Variants in ZDHHC17 observed in about 807,000 individuals in gnomAD.
ZDHHC17 encodes zDHHC palmitoyltransferase 17.
Under a neutral mutation model 90.3 loss-of-function variants are expected in ZDHHC17, and 40 were observed. The ratio of observed to expected loss-of-function variants is 0.44; its 90% CI spans 0.34 to 0.58. The LOEUF (loss-of-function observed/expected upper bound fraction) is 0.58, where lower values mean the gene tolerates loss of function less well. Among genes scored for constraint, ZDHHC17 ranks in the 20% least tolerant of loss-of-function variants. The pLI is 0.01. For synonymous variants in ZDHHC17, 235 were observed against 252.4 expected (o/e 0.93, Z 0.65); for missense variants, 614 against 780.8 (o/e 0.79, Z 2.55).
chr12:76,787,107 T>A (rs1034927575), intron 1 of ZDHHC17, among the ~76,000 whole-genome samples: 44 of 152,348 alleles, frequency 2.9e-4, no homozygotes, highest in African/African-American at 9.4e-4. Flanking sequence ...TCCTTGAAAT[T>A]TTCCAGAGTC....
chr12:76,789,446 G>T lies in ZDHHC17; in HGVS notation c.94-7988G>T, dbSNP rs544485288. Among the ~76,000 whole-genome samples the T allele has an allele frequency of 1.7e-3, 257 of 152,298 alleles. 1 individual carries two copies. The highest frequency in any genetic ancestry group is 3.1e-3 in the Non-Finnish European group (212 of 68,018). On this transcript the variant is annotated intron_variant, in intron 1 of 16. Transcript: ENST00000426126. Reference sequence around the variant, plus strand: ...CACAATCTCAGTTCAGTTAGGACATGTAAGAATAACCTAAAAATGTTCAGC... The same window carrying T: ...CACAATCTCAGTTCAGTTAGGACATTTAAGAATAACCTAAAAATGTTCAGC...
At chr12:76,847,618 C>T (rs1259271049) in intron 14 of ZDHHC17, among the ~76,000 whole-genome samples, 1 of 152,190 alleles carries the variant, frequency 6.6e-6, no homozygotes, top group Non-Finnish European at 1.5e-5. Context: ...CTTTGGGAGG[C>T]AGAGGCAGGT....
At chr12:76,800,402 G>A (rs1408683601) in intron 2 of ZDHHC17, among the ~76,000 whole-genome samples, 2 of 152,092 alleles carry the variant, frequency 1.3e-5, no homozygotes, top group East Asian at 1.9e-4. Flanking sequence ...CCTTACTTAC[G>A]TCTAGTTCTT....
At chr12:76,771,245 A>G (rs1952488719) in intron 1 of ZDHHC17, among the ~76,000 whole-genome samples, 1 of 152,248 alleles carries the variant, frequency 6.6e-6, no homozygotes, top group Non-Finnish European at 1.5e-5. Flanking sequence ...AAGTGGAGCC[A>G]CAGGCAGCTA....
At chr12:76,799,846 TG>T (rs1359185015) in intron 2 of ZDHHC17, among the ~76,000 whole-genome samples, 2 of 152,120 alleles carry the variant, frequency 1.3e-5, no homozygotes, top group Admixed American at 1.3e-4. Context: ...GGACCAGAAG[TG>T]TTTTGGATTT....
At chr12:76,824,875 T>A (rs1953211553) in intron 8 of ZDHHC17, among the ~76,000 whole-genome samples, 1 of 151,068 alleles carries the variant, frequency 6.6e-6, no homozygotes, top group Non-Finnish European at 1.5e-5. Flanking sequence ...ACAATATTTT[T>A]AGAAAACAAT....
chr12:76,810,709 G>C (rs202146802), intron 5 of ZDHHC17, among the ~76,000 whole-genome samples: 2 of 25,102 alleles, frequency 8.0e-5, no homozygotes, highest in African/African-American at 2.7e-4. Context: ...TGGAAGGGGA[G>C]GGGGGGTTAT....
chr12:76,771,442 A>G (rs1226490399), intron 1 of ZDHHC17, among the ~76,000 whole-genome samples: 1 of 152,230 alleles, frequency 6.6e-6, no homozygotes, highest in Non-Finnish European at 1.5e-5. Flanking sequence ...AAATTAGAAC[A>G]TTATAGTGTC....
At chr12:76,766,313 C>T (rs1047306810) in intron 1 of ZDHHC17, among the ~76,000 whole-genome samples, 2 of 152,208 alleles carry the variant, frequency 1.3e-5, no homozygotes, top group Non-Finnish European at 2.9e-5. Context: ...TAAGCTTGTA[C>T]TACATGGCTG....
At chr12:76,811,912 A>G (rs12368568) in intron 5 of ZDHHC17, among the ~76,000 whole-genome samples, 1,678 of 152,280 alleles carry the variant, frequency 0.011, 11 homozygotes, top group Non-Finnish European at 0.017. Flanking sequence ...TTGCTTTCCA[A>G]TATAGTTCGT....
At chr12:76,837,629 T>G (rs1445199834) in intron 10 of ZDHHC17, among the ~76,000 whole-genome samples, 3 of 152,174 alleles carry the variant, frequency 2.0e-5, no homozygotes, top group African/African-American at 7.2e-5. Context: ...GATGCAGTAT[T>G]TAAAATGGAG....
intron 10 of ZDHHC17, among the ~76,000 whole-genome samples, chr12:76,832,651 A>G (rs966481955): frequency 2.0e-5 from 3 of 152,222 alleles, no homozygotes; most frequent in African/African-American, 7.2e-5. Flanking sequence ...TCATTCCTGA[A>G]TGAAGCTTAT....
intron 3 of ZDHHC17, 103 bp downstream of exon 3, chr12:76,805,542 G>A: frequency 9.6e-7 from 1 of 1,040,514 alleles, no homozygotes; most frequent in Non-Finnish European, 1.4e-6. Flanking sequence ...AAAATTCATG[G>A]CTTTTAGAAG....
rs376593203 is a variant in ZDHHC17 at position 76,786,708 on chromosome 12, A to T, written c.94-10726A>T. The stretch of plus-strand genomic sequence containing the variant: ...CCAGCTGAATTTTTCTAGCTTGGAC[A>T]TTTTGATAGTTAGAAATGCCTTCTA... On this transcript the variant is annotated intron_variant, in intron 1 of 16. Transcript: ENST00000426126. Among the ~76,000 whole-genome samples, 18 of 152,310 alleles carry T rather than the reference A, an allele frequency of 1.2e-4. No homozygotes were observed. The East Asian group carries it at 2.1e-3, about 18-fold the overall frequency.
chr12:76,773,029 T>C (rs1206437762), intron 1 of ZDHHC17, among the ~76,000 whole-genome samples: 1 of 152,276 alleles, frequency 6.6e-6, no homozygotes, highest in East Asian at 1.9e-4. Context: ...GCTCATTTTT[T>C]GTATTTTTAG....
intron 1 of ZDHHC17, among the ~76,000 whole-genome samples, chr12:76,796,356 T>C (rs976481389): frequency 6.6e-6 from 1 of 152,140 alleles, no homozygotes; most frequent in Non-Finnish European, 1.5e-5. Flanking sequence ...TTTTCAGTTT[T>C]TATATAAAAG....
chr12:76,815,232 C>T, intron 6 of ZDHHC17, 22 bp downstream of exon 6: 1 of 1,497,954 alleles, frequency 6.7e-7, no homozygotes, highest in South Asian at 1.3e-5. Context: ...CTATAAAAAA[C>T]TTATTTAGGC....
intron 1 of ZDHHC17, among the ~76,000 whole-genome samples, chr12:76,768,184 A>G (rs77565593): frequency 6.6e-6 from 1 of 152,206 alleles, no homozygotes; most frequent in Non-Finnish European, 1.5e-5. Flanking sequence ...TTCTTTTGAA[A>G]TAGGTGATTA....
intron 1 of ZDHHC17, among the ~76,000 whole-genome samples, chr12:76,780,912 G>A (rs767676580): frequency 1.3e-5 from 2 of 151,844 alleles, no homozygotes; most frequent in Non-Finnish European, 2.9e-5. Flanking sequence ...ACGAGGTCAG[G>A]AGATCGAGAC....
Sources: allele counts gnomAD v4.1 joint callset (sites outside exome capture counted in the v4.1 genomes callset), GRCh38; gene constraint gnomAD v4.1.1; transcripts MANE v1.5; gene names NCBI Gene and HGNC (gene_info 2026-07-23, HGNC 2026-07-21).